LRRC18: variants seen among roughly 807,000 people sequenced by gnomAD.
The protein encoded by LRRC18 is leucine rich repeat containing 18, also known as leucine-rich repeat-containing protein 18.
LRRC18 carries 12 observed loss-of-function variants against 11.2 expected under a neutral mutation model. The ratio of observed to expected loss-of-function variants is 1.07; its 90% confidence interval spans 0.69 to 1.74. The LOEUF is 1.74. LRRC18 is among the 40% of genes most tolerant of loss of function. The pLI is 0.00. For missense variants in LRRC18, 374 were observed against 330.5 expected, an observed-to-expected ratio of 1.13 and a Z score of -1.02; for synonymous variants, 155 against 130.6, an observed-to-expected ratio of 1.19 and a Z score of -1.27.
chr10:48,929,876 C>A, the LRRC18 span, among the ~76,000 whole-genome samples: 6 of 152,012 alleles, frequency 3.9e-5, no homozygotes, highest in African/African-American at 1.5e-4. Context: ...CTTCCATCCA[C>A]CCCCAATTAA....
chr10:48,922,937 G>A, the LRRC18 span, among the ~76,000 whole-genome samples: 1 of 152,212 alleles, frequency 6.6e-6, no homozygotes, highest in East Asian at 1.9e-4. Flanking sequence ...CTGGGTTGGT[G>A]TCACTGCCTG....
At chr10:48,939,269 C>T in the LRRC18 span, among the ~76,000 whole-genome samples, 2 of 152,338 alleles carry the variant, frequency 1.3e-5, no homozygotes, top group Admixed American at 6.5e-5. Flanking sequence ...ATGTCAACAT[C>T]GCCAGGACCA....
At chr10:48,917,907 T>C (rs1838697475), upstream of LRRC18, among the ~76,000 whole-genome samples, 1 of 152,024 alleles carries the variant, frequency 6.6e-6, no homozygotes, top group South Asian at 2.1e-4. Flanking sequence ...TGTGATGGAG[T>C]TGTCAAAGTA....
the LRRC18 span, among the ~76,000 whole-genome samples, chr10:48,933,180 A>G: frequency 4.6e-5 from 7 of 152,260 alleles, no homozygotes; most frequent in East Asian, 1.4e-3. Context: ...TCTAGATTGT[A>G]TATGTGGACC....
upstream of LRRC18, among the ~76,000 whole-genome samples, chr10:48,917,764 A>G (rs984474111): frequency 1.3e-5 from 2 of 152,242 alleles, no homozygotes; most frequent in East Asian, 1.9e-4. Context: ...GGGAAACTAT[A>G]CTAGAGAGGA....
At chr10:48,937,163 G>A in the LRRC18 span, among the ~76,000 whole-genome samples, 1 of 152,080 alleles carries the variant, frequency 6.6e-6, no homozygotes, top group African/African-American at 2.4e-5. Flanking sequence ...CAGAGTGTTG[G>A]GATTACACGT....
At position 48,913,724 on chromosome 10, in the gene LRRC18, C is replaced by T. The variant is rs369266591; in HGVS notation, c.432G>A (p.Lys144=). 9 of 1,612,944 alleles carry T rather than the reference C, an allele frequency of 5.6e-6. No individual in the cohort carries two copies. In the African/African-American group the frequency reaches 6.7e-5, roughly 12 times the overall value. Reference sequence around the variant, plus strand: ...CATGGAGCCCTACCTCGTGGAGCTCCTTCAGGGCCCCCAGTGTGGTGGGCA... The same window carrying T: ...CATGGAGCCCTACCTCGTGGAGCTCTTTCAGGGCCCCCAGTGTGGTGGGCA... Residue 144 remains lysine (K), a synonymous_variant, in exon 1 of 2, where the codon AAG becomes AAA. Coordinates refer to ENST00000374160, the Ensembl canonical transcript of LRRC18.
At chr10:48,910,180 C>A in exon 2 of LRRC18, 2 of 1,452,658 alleles carry the variant, frequency 1.4e-6, no homozygotes, top group South Asian at 2.3e-5. Flanking sequence ...GGCTTCTCCT[C>A]TTCAGAGTCG....
exon 1 of LRRC18, chr10:48,913,836 C>G (rs779947795): frequency 1.2e-6 from 2 of 1,613,884 alleles, no homozygotes; most frequent in Admixed American, 3.3e-5. Flanking sequence ...GCTGGTCAGC[C>G]GGTTGTTGCT....
upstream of LRRC18, among the ~76,000 whole-genome samples, chr10:48,914,440 G>A (rs1838312245): frequency 6.6e-6 from 1 of 152,136 alleles, no homozygotes; most frequent in Non-Finnish European, 1.5e-5. Flanking sequence ...GTTAAAATAG[G>A]AGGTGCAGGG....
the LRRC18 span, among the ~76,000 whole-genome samples, chr10:48,921,792 G>A: frequency 6.6e-6 from 1 of 152,086 alleles, no homozygotes; most frequent in East Asian, 1.9e-4. Flanking sequence ...AGATAGAAAT[G>A]TACAGACACA....
At chr10:48,910,905 T>G in intron 1 of LRRC18, 1 of 985,240 alleles carries the variant, frequency 1.0e-6, no homozygotes, top group Non-Finnish European at 1.2e-6. Flanking sequence ...ACCTCGATGT[T>G]TCTCTTAACT....
chr10:48,909,724 G>A (rs1262890894), exon 2 of LRRC18: 1 of 154,244 alleles, frequency 6.5e-6, no homozygotes, highest in Non-Finnish European at 1.4e-5. Flanking sequence ...CAAAAGGATG[G>A]CACCAGGCCA....
the LRRC18 span, among the ~76,000 whole-genome samples, chr10:48,925,034 TG>T: frequency 6.6e-6 from 1 of 152,338 alleles, no homozygotes; most frequent in Non-Finnish European, 1.5e-5. Context: ...AGCCAGTATT[TG>T]GGACTAGCTT....
At chr10:48,938,532 G>T in the LRRC18 span, among the ~76,000 whole-genome samples, 1 of 152,228 alleles carries the variant, frequency 6.6e-6, no homozygotes, top group Non-Finnish European at 1.5e-5. Context: ...CTTCCTCTCT[G>T]CCACCTGCTC....
upstream of LRRC18, among the ~76,000 whole-genome samples, chr10:48,918,776 G>T (rs1441936611): frequency 6.6e-6 from 1 of 152,174 alleles, no homozygotes; most frequent in Non-Finnish European, 1.5e-5. Flanking sequence ...AGGGCTTGGG[G>T]GAAGACCTGC....
chr10:48,917,930 A>G (rs989690213), upstream of LRRC18, among the ~76,000 whole-genome samples: 38 of 152,352 alleles, frequency 2.5e-4, no homozygotes, highest in African/African-American at 8.7e-4. Flanking sequence ...TAGATGTCAT[A>G]CATAAGACAA....
the LRRC18 span, among the ~76,000 whole-genome samples, chr10:48,930,140 A>G: frequency 8.5e-5 from 13 of 152,254 alleles, no homozygotes; most frequent in Admixed American, 7.2e-4. Context: ...AAGCGCTTAC[A>G]AGGTCAATCC....
At chr10:48,934,508 G>T in the LRRC18 span, among the ~76,000 whole-genome samples, 3 of 152,228 alleles carry the variant, frequency 2.0e-5, no homozygotes, top group Admixed American at 1.3e-4. Flanking sequence ...TGTCATAAAA[G>T]TTGGGTCTTG....
Sources: gnomAD v4.1 joint callset for allele counts (sites outside exome capture counted in the v4.1 genomes callset) on GRCh38, gnomAD v4.1.1 for gene constraint, MANE v1.5 for transcripts, NCBI Gene and HGNC (gene_info 2026-07-23, HGNC 2026-07-21) for gene names.